Variants in TMEM41B observed in about 807,000 individuals in gnomAD.
TMEM41B encodes the protein protein stasimon.
In TMEM41B, 18 loss-of-function variants were observed where a neutral mutation model predicts 31.9. That is an observed-to-expected ratio of 0.56 (90% CI 0.39 to 0.84). TMEM41B has a LOEUF of 0.84. TMEM41B is among the 40% of genes least tolerant of loss of function. TMEM41B has a pLI of 0.00. For missense variants in TMEM41B, 322 were observed against 348.0 expected, an observed-to-expected ratio of 0.93 and a Z score of 0.59; for synonymous variants, 144 against 124.3, an observed-to-expected ratio of 1.16 and a Z score of -1.05.
At chr11:9,290,156 G>A (rs10840199) in intron 3 of TMEM41B, among the ~76,000 whole-genome samples, 59,783 of 151,876 alleles carry the variant, frequency 0.39, 12,641 homozygotes, top group East Asian at 0.49. Context: ...TGAGGCAGGC[G>A]GATCACAAAG....
Position 9,314,573 on chromosome 11 carries a change from C to T in TMEM41B, c.-132G>A, listed in dbSNP as rs979591331. ...GGCGCGACCTCCTCACCCGAGACGA[C>T]CTCAGCCCAGCGAGTACTGCAACCT... On this transcript the variant is annotated 5_prime_UTR_variant, in exon 1 of 7. Transcript: ENST00000528080. 6.0e-6 allele frequency: 8 copies of T among 1,324,704 alleles called. No individual in the cohort carries two copies. The highest frequency in any genetic ancestry group is 8.0e-6 in the Non-Finnish European group (8 of 996,598). 82.1% of individuals were successfully genotyped at this position (1,324,704 alleles called of 1,614,324 possible).
rs578123263 is a variant in TMEM41B at position 9,286,108 on chromosome 11, C to A, written c.706+347G>T. Among the ~76,000 whole-genome samples the A allele has an allele frequency of 1.8e-3, 279 of 152,172 alleles. 2 individuals are homozygous for A. Among genetic ancestry groups the A allele is most frequent in the African/African-American group, 6.4e-3 (267 of 41,526 alleles). On this transcript the variant is annotated intron_variant, in intron 6 of 6. Coordinates refer to ENST00000528080, the MANE Select transcript of TMEM41B (RefSeq NM_015012.4). ...CCAGCCTGGGCGACAGATCGAGACTCAGGGAAGAGGAAGGGGAAGGGACAT... is the reference window on the plus strand; with the variant it reads ...CCAGCCTGGGCGACAGATCGAGACTAAGGGAAGAGGAAGGGGAAGGGACAT...
chr11:9,285,111 G>A (rs11042264), intron 6 of TMEM41B, among the ~76,000 whole-genome samples: 56,133 of 135,310 alleles, frequency 0.41, 11,868 homozygotes, highest in East Asian at 0.49. Flanking sequence ...TTTTGAGACA[G>A]TGTCTTGCTG....
intron 1 of TMEM41B, chr11:9,311,629 G>C: frequency 1.1e-6 from 1 of 901,940 alleles, no homozygotes; most frequent in South Asian, 1.5e-5. Context: ...GAACCTCCAG[G>C]GCACCCAATG....
chr11:9,296,620 A>AAG lies in TMEM41B; in HGVS notation c.240-1234_240-1233insCT, dbSNP rs1554943613. Reference sequence around the variant, plus strand: ...CTCCGTCTCAAAAAAAAAAAAAAAAAAAAGAAAGAAAGAAAAAAAGAACCA... The same window carrying AAG: ...CTCCGTCTCAAAAAAAAAAAAAAAAAAGAAAGAAAGAAAGAAAAAAAGAACCA... On this transcript the variant is annotated intron_variant, in intron 2 of 6. Transcript: ENST00000528080. 5.5e-5 allele frequency among the ~76,000 whole-genome samples: 7 copies of AAG among 128,180 alleles called. No homozygotes were observed. In the South Asian group the frequency reaches 7.1e-4, roughly 13 times the overall value. The allele number at this position is 128,180 out of a possible 152,430, so 84.1% of individuals were successfully genotyped here.
chr11:9,283,848 G>A (rs1290239912), intron 6 of TMEM41B, among the ~76,000 whole-genome samples: 1 of 151,178 alleles, frequency 6.6e-6, no homozygotes, highest in Non-Finnish European at 1.5e-5. Context: ...ACGATGGCGC[G>A]ATCTTGGCTC....
chr11:9,284,936 T>A (rs1039445057), intron 6 of TMEM41B, among the ~76,000 whole-genome samples: 1 of 152,128 alleles, frequency 6.6e-6, no homozygotes, highest in Non-Finnish European at 1.5e-5. Context: ...TGAAATTAAC[T>A]AAATCTCTGG....
intron 1 of TMEM41B, among the ~76,000 whole-genome samples, chr11:9,312,364 T>C (rs939358418): frequency 6.6e-6 from 1 of 152,152 alleles, no homozygotes; most frequent in African/African-American, 2.4e-5. Context: ...TAGCTGAGCA[T>C]GGTGGCACAC....
chr11:9,287,305 C>T (rs528896632), intron 5 of TMEM41B, among the ~76,000 whole-genome samples: 117 of 151,992 alleles, frequency 7.7e-4, no homozygotes, highest in African/African-American at 2.5e-3. Flanking sequence ...AGTAAGACTC[C>T]GTCTCAAAAA....
intron 1 of TMEM41B, among the ~76,000 whole-genome samples, chr11:9,300,832 C>T (rs138203104): frequency 1.5e-3 from 222 of 151,294 alleles, no homozygotes; most frequent in Admixed American, 4.4e-3. Context: ...GTGCTGAGAT[C>T]GCACCACTGC....
Position 9,282,360 on chromosome 11 carries a change from C to T in TMEM41B, c.*1064G>A, listed in dbSNP as rs1852736342. 1 of 148,904 alleles carries T rather than the reference C, an allele frequency of 6.7e-6. No homozygotes were observed. The highest frequency in any genetic ancestry group is 6.8e-5 in the Admixed American group (1 of 14,666). 9.2% of individuals were successfully genotyped at this position (148,904 alleles called of 1,614,324 possible). On this transcript the variant is annotated 3_prime_UTR_variant, in exon 7 of 7. Transcript: ENST00000528080. ...ACCACGCACTCCACTCCAGCCTGGG[C>T]AACAGCAAGACTCCGTCTCAAAAAA... is the stretch of plus-strand genomic sequence containing the variant.
chr11:9,298,476 A>AAAC (rs1554943806), intron 2 of TMEM41B, among the ~76,000 whole-genome samples: 4 of 143,908 alleles, frequency 2.8e-5, no homozygotes, highest in Admixed American at 6.9e-5. Context: ...AAAAAAAAAA[A>AAAC]ATTGTGGGCT....
At chr11:9,290,645 A>G (rs1312425074) in intron 3 of TMEM41B, among the ~76,000 whole-genome samples, 1 of 152,162 alleles carries the variant, frequency 6.6e-6, no homozygotes, top group Non-Finnish European at 1.5e-5. Flanking sequence ...AGAAGCAGAA[A>G]TAAATGAGGA....
chr11:9,306,518 T>TA (rs1241195428), intron 1 of TMEM41B, among the ~76,000 whole-genome samples: 3 of 151,614 alleles, frequency 2.0e-5, no homozygotes, highest in African/African-American at 4.8e-5. Context: ...CCGTCTCTAC[T>TA]AAAAAAATAC....
At chr11:9,300,555 A>G (rs1425996250) in intron 1 of TMEM41B, among the ~76,000 whole-genome samples, 1 of 152,198 alleles carries the variant, frequency 6.6e-6, no homozygotes, top group African/African-American at 2.4e-5. Context: ...ATAGTCCCTC[A>G]AAAGGTAATC....
chr11:9,303,607 T>C (rs565315171), intron 1 of TMEM41B, among the ~76,000 whole-genome samples: 138 of 151,858 alleles, frequency 9.1e-4, no homozygotes, highest in African/African-American at 3.2e-3. Flanking sequence ...CTTTCAGTAA[T>C]CTAAACAATC....
At chr11:9,288,122 C>T in intron 4 of TMEM41B, 1 of 366,698 alleles carries the variant, frequency 2.7e-6, no homozygotes, top group South Asian at 3.3e-5. Flanking sequence ...CCGACCCCCC[C>T]AGTTCCTAAG....
chr11:9,296,455 G>A (rs896151297), intron 2 of TMEM41B, among the ~76,000 whole-genome samples: 2 of 151,458 alleles, frequency 1.3e-5, no homozygotes, highest in Admixed American at 6.6e-5. Flanking sequence ...TTGAAACCCC[G>A]TCTCTACTAA....
chr11:9,294,147 C>T (rs1204846472), intron 3 of TMEM41B, among the ~76,000 whole-genome samples: 3 of 139,600 alleles, frequency 2.1e-5, no homozygotes, highest in African/African-American at 8.2e-5. Context: ...TGCCACTGCA[C>T]TCCAGCCTGG....
Sources: gnomAD v4.1 joint callset for allele counts (sites outside exome capture counted in the v4.1 genomes callset) on GRCh38, gnomAD v4.1.1 for gene constraint, MANE v1.5 for transcripts, NCBI Gene and HGNC (gene_info 2026-07-23, HGNC 2026-07-21) for gene names.